Variants in CYP2C8 observed in about 807,000 individuals in gnomAD.
CYP2C8 encodes cytochrome P450 family 2 subfamily C member 8, also known as cytochrome P450 2C8.
Under a neutral mutation model 41.3 loss-of-function variants are expected in CYP2C8, and 51 were observed. The ratio of observed to expected loss-of-function variants is 1.24; its 90% CI spans 0.99 to 1.56. The LOEUF (loss-of-function observed/expected upper bound fraction) is 1.56, where lower values mean the gene tolerates loss of function less well. CYP2C8 is among the 40% of genes most tolerant of loss of function. The pLI is 0.00. For missense variants in CYP2C8, 651 were observed against 579.9 expected (o/e 1.12, Z -1.26); for synonymous variants, 218 against 205.8 (o/e 1.06, Z -0.51).
At chr10:95,045,180 G>T (rs1232468738) in intron 6 of CYP2C8, among the ~76,000 whole-genome samples, 1 of 152,184 alleles carries the variant, frequency 6.6e-6, no homozygotes, top group African/African-American at 2.4e-5. Context: ...CTAAAGAAAA[G>T]TTGTATGTGA....
chr10:95,058,279 G>A (rs11572104), intron 5 of CYP2C8, 56 bp downstream of exon 5: 26 of 1,605,720 alleles, frequency 1.6e-5, no homozygotes, highest in Admixed American at 6.7e-5. Context: ...AGAAGGATTC[G>A]ATGAATCACA....
chr10:95,038,293 CCT>C (rs2134404941), intron 8 of CYP2C8, among the ~76,000 whole-genome samples: 1 of 152,292 alleles, frequency 6.6e-6, no homozygotes, highest in South Asian at 2.1e-4. Flanking sequence ...CATGAAACAT[CCT>C]CTGAGTTGCT....
intron 7 of CYP2C8, 84 bp downstream of exon 7, chr10:95,042,805 CT>C (rs775358076): frequency 3.3e-4 from 379 of 1,136,948 alleles, no homozygotes; most frequent in Non-Finnish European, 4.4e-4. Flanking sequence ...CTTCTCTCAT[CT>C]TGTGTTGTTA....
intron 5 of CYP2C8, among the ~76,000 whole-genome samples, chr10:95,046,743 T>C (rs1395050694): frequency 1.0e-5 from 1 of 96,694 alleles, no homozygotes; most frequent in Non-Finnish European, 2.0e-5. Context: ...CTATACTAAA[T>C]ATGGTAAAAA....
intron 3 of CYP2C8, among the ~76,000 whole-genome samples, chr10:95,065,192 A>G (rs542002780): frequency 3.9e-5 from 6 of 152,340 alleles, no homozygotes; most frequent in African/African-American, 1.2e-4. Context: ...ATTCACATCC[A>G]CTGCCTTTAT....
intron 5 of CYP2C8, among the ~76,000 whole-genome samples, chr10:95,052,594 A>G (rs1236366240): frequency 6.6e-6 from 1 of 152,192 alleles, no homozygotes; most frequent in African/African-American, 2.4e-5. Flanking sequence ...GAGCTCACTC[A>G]TCACAACCAA....
chr10:95,050,560 A>G (rs893562337), intron 5 of CYP2C8, among the ~76,000 whole-genome samples: 14 of 152,112 alleles, frequency 9.2e-5, no homozygotes, highest in Non-Finnish European at 1.9e-4. Context: ...GTTTCAATTG[A>G]CTCAGAACAG....
Position 95,064,926 on chromosome 10 carries a change from A to C in CYP2C8, c.516T>G (p.Cys172Trp). ...SPCDPTFILG[C>W]APCNVICSVV... ...CGGAGCAGATCACATTGCAGGGAGCACAGCCCAGGATGAAAGTGGGATCAC... is the reference window on the plus strand; with the variant it reads ...CGGAGCAGATCACATTGCAGGGAGCCCAGCCCAGGATGAAAGTGGGATCAC... Residue 172 changes from cysteine (C) to tryptophan (W), a missense_variant, in exon 4 of 9, where the codon TGT (cysteine) becomes TGG (tryptophan). Transcript: ENST00000371270. 6.2e-7 allele frequency: 1 copy of C among 1,609,882 alleles called. No homozygotes were observed. Among genetic ancestry groups the C allele is most frequent in the Non-Finnish European group, 8.5e-7 (1 of 1,178,460 alleles).
chr10:95,062,873 G>T lies in CYP2C8; in HGVS notation c.642+1927C>A, dbSNP rs190187812. On this transcript the variant is annotated intron_variant, in intron 4 of 8. Coordinates refer to ENST00000371270, the MANE Select transcript of CYP2C8 (RefSeq NM_000770.3). ...TCTCAGCATTTGCTTGTATGTAAAG[G>T]ATTTTATTTCTCCTTCACTTATGAA... Among the ~76,000 whole-genome samples, 78 of 152,156 alleles carry T rather than the reference G, an allele frequency of 5.1e-4. No homozygotes were observed. The East Asian group carries it at 0.013, about 25-fold the overall frequency.
At position 95,067,300 on chromosome 10, in the gene CYP2C8, G is replaced by T. The variant is rs139650638; in HGVS notation, c.389C>A (p.Thr130Asn). ...WKEIRRFSLT[T>N]LRNFGMGKRS... ...CTTCCCCATCCCAAAATTCCGCAAG[G>T]TTGTGAGGGAGAAACGCCGGATCTC... The change falls in exon 3 of 9, where the codon ACC becomes AAC. Residue 130 changes from threonine to asparagine, a missense_variant. By Grantham distance (65) the Thr-to-Asn change is moderately conservative (BLOSUM62 0). Coordinates refer to ENST00000371270, the MANE Select transcript of CYP2C8 (RefSeq NM_000770.3). 13 of 1,614,050 alleles carry T rather than the reference G, an allele frequency of 8.1e-6. No homozygotes were observed. The African/African-American group carries it at 1.1e-4, about 13-fold the overall frequency.
At chr10:95,064,278 C>A (rs1399430536) in intron 4 of CYP2C8, among the ~76,000 whole-genome samples, 1 of 152,164 alleles carries the variant, frequency 6.6e-6, no homozygotes, top group Non-Finnish European at 1.5e-5. Context: ...AGGCTCCACC[C>A]AGATCGAGCT....
At chr10:95,049,441 T>C (rs1247820441) in intron 5 of CYP2C8, among the ~76,000 whole-genome samples, 5 of 152,104 alleles carry the variant, frequency 3.3e-5, no homozygotes, top group Non-Finnish European at 7.4e-5. Flanking sequence ...TTCTGAGTAC[T>C]GAGGGAGGGA....
At chr10:95,049,479 T>G (rs923053022) in intron 5 of CYP2C8, among the ~76,000 whole-genome samples, 1 of 152,082 alleles carries the variant, frequency 6.6e-6, no homozygotes, top group African/African-American at 2.4e-5. Flanking sequence ...AGCATAAAAT[T>G]AGTGCAGTTC....
chr10:95,055,170 G>A (rs1282094725), intron 5 of CYP2C8, among the ~76,000 whole-genome samples: 2 of 152,052 alleles, frequency 1.3e-5, no homozygotes, highest in Non-Finnish European at 2.9e-5. Flanking sequence ...ACTACAGGGA[G>A]AGGACTCAAT....
intron 4 of CYP2C8, among the ~76,000 whole-genome samples, chr10:95,060,499 C>T (rs965064807): frequency 1.3e-5 from 2 of 151,938 alleles, no homozygotes; most frequent in Non-Finnish European, 2.9e-5. Context: ...ATTTTGTATC[C>T]CGAGACATTG....
At chr10:95,043,713 C>T (rs375721442) in intron 6 of CYP2C8, among the ~76,000 whole-genome samples, 10 of 152,038 alleles carry the variant, frequency 6.6e-5, no homozygotes, top group East Asian at 3.8e-4. Flanking sequence ...TATAGACACA[C>T]GCCCACAAAG....
chr10:95,042,013 T>C (rs1034922683), intron 7 of CYP2C8, among the ~76,000 whole-genome samples: 10 of 152,148 alleles, frequency 6.6e-5, no homozygotes, highest in African/African-American at 2.4e-4. Context: ...GTGAAAATTC[T>C]TTTATAAATG....
intron 5 of CYP2C8, among the ~76,000 whole-genome samples, chr10:95,050,268 T>C (rs941850464): frequency 2.6e-5 from 4 of 152,094 alleles, no homozygotes; most frequent in Non-Finnish European, 4.4e-5. Flanking sequence ...GAACACCAAA[T>C]AGACTTCTAA....
chr10:95,057,238 T>C (rs2033332165), intron 5 of CYP2C8, among the ~76,000 whole-genome samples: 1 of 152,160 alleles, frequency 6.6e-6, no homozygotes, highest in Non-Finnish European at 1.5e-5. Flanking sequence ...TCTGGTCCCA[T>C]GTCCAAGACC....
Sources: gnomAD v4.1 joint callset for allele counts (sites outside exome capture counted in the v4.1 genomes callset) on GRCh38, gnomAD v4.1.1 for gene constraint, MANE v1.5 for transcripts, NCBI Gene and HGNC (gene_info 2026-07-23, HGNC 2026-07-21) for gene names.